ADGRL3: variants seen among roughly 807,000 people sequenced by gnomAD.
ADGRL3 encodes calcium-independent alpha-latrotoxin receptor 3.
A neutral mutation model predicts 153.5 loss-of-function variants in ADGRL3; 62 were observed. That is an observed-to-expected ratio of 0.40 (90% CI 0.33 to 0.50). The LOEUF (loss-of-function observed/expected upper bound fraction) is 0.50. ADGRL3 is among the 20% of genes least tolerant of loss of function. The probability of loss-of-function intolerance (pLI) is 0.47; values close to 1 mark genes in which losing one functional copy is unlikely to be tolerated. For synonymous variants in ADGRL3, 710 were observed against 672.5 expected (o/e 1.06, Z -0.86); for missense variants, 1,641 against 1,859.4 (o/e 0.88, Z 2.16).
chr4:61,707,549 A>T (rs745651893), intron 6 of ADGRL3, among the ~76,000 whole-genome samples: 14 of 152,054 alleles, frequency 9.2e-5, no homozygotes, highest in Non-Finnish European at 4.4e-5. Flanking sequence ...TTTTCAATTG[A>T]TTTTAAAGGT....
chr4:61,867,540 A>ATATATATATATATATATATATATG (rs201200813), intron 9 of ADGRL3, among the ~76,000 whole-genome samples: 33 of 132,104 alleles, frequency 2.5e-4, no homozygotes, highest in African/African-American at 8.4e-4. Context: ...ATATATATAT[A>ATATATATATATATATATATATATG]ATTGTAGGAG....
intron 4 of ADGRL3, among the ~76,000 whole-genome samples, chr4:61,530,397 A>G (rs909885868): frequency 1.3e-5 from 2 of 152,072 alleles, no homozygotes; most frequent in Non-Finnish European, 2.9e-5. Flanking sequence ...CCTAAAAAAA[A>G]AAAAAATCTT....
intron 5 of ADGRL3, 128 bp downstream of exon 5, chr4:61,587,568 A>G (rs2098951403): frequency 1.5e-6 from 1 of 667,102 alleles, no homozygotes; most frequent in Non-Finnish European, 2.5e-6. Context: ...TAGTTTTTCC[A>G]TATCTGACTA....
chr4:61,296,259 A>G (rs2150254439), intron 1 of ADGRL3, among the ~76,000 whole-genome samples: 1 of 152,280 alleles, frequency 6.6e-6, no homozygotes, highest in Non-Finnish European at 1.5e-5. Flanking sequence ...GCAGCGATGA[A>G]AAATCAGAAT....
At chr4:61,381,442 C>G (rs1291977340) in intron 1 of ADGRL3, among the ~76,000 whole-genome samples, 1 of 151,648 alleles carries the variant, frequency 6.6e-6, no homozygotes, top group Non-Finnish European at 1.5e-5. Context: ...GCCACAGTCT[C>G]TGTTCTCTAG....
chr4:61,410,501 C>T lies in ADGRL3; in HGVS notation c.-174+27312C>T, dbSNP rs189360269. ...ACAACAGTGATCAAAATTAAGAAATCAACAATATTACAATACTATTGTGTA... is the reference window on the plus strand; with the variant it reads ...ACAACAGTGATCAAAATTAAGAAATTAACAATATTACAATACTATTGTGTA... On this transcript the variant is annotated intron_variant, in intron 2 of 26. Transcript: ENST00000683033. Among the ~76,000 whole-genome samples the T allele has an allele frequency of 2.1e-3, 312 of 152,146 alleles. 3 individuals carry two copies. Among genetic ancestry groups the T allele is most frequent in the Non-Finnish European group, 2.8e-3 (187 of 67,962 alleles).
At chr4:61,248,090 C>G (rs552476550) in intron 1 of ADGRL3, among the ~76,000 whole-genome samples, 6 of 152,198 alleles carry the variant, frequency 3.9e-5, no homozygotes, top group African/African-American at 1.4e-4. Context: ...GAGGGGCGAA[C>G]TGCTCTATGT....
intron 8 of ADGRL3, among the ~76,000 whole-genome samples, chr4:61,800,239 A>G (rs1235612938): frequency 6.6e-6 from 1 of 152,230 alleles, no homozygotes; most frequent in African/African-American, 2.4e-5. Flanking sequence ...TATTGTATAT[A>G]TGGGATATAT....
chr4:61,203,854 T>C (rs1437049641), intron 1 of ADGRL3, among the ~76,000 whole-genome samples: 1 of 152,134 alleles, frequency 6.6e-6, no homozygotes, highest in Non-Finnish European at 1.5e-5. Flanking sequence ...CCAGATAATT[T>C]GTATAGGAGT....
intron 8 of ADGRL3, among the ~76,000 whole-genome samples, chr4:61,776,391 C>T (rs1423364884): frequency 1.3e-5 from 2 of 151,912 alleles, no homozygotes; most frequent in East Asian, 3.9e-4. Flanking sequence ...ACAAGATAAC[C>T]AGAAAAGATT....
chr4:61,876,896 T>C (rs1276030819), intron 9 of ADGRL3, among the ~76,000 whole-genome samples: 33 of 127,800 alleles, frequency 2.6e-4, no homozygotes, highest in Non-Finnish European at 5.3e-4. Flanking sequence ...CTCAATAAAC[T>C]TGCTTTCACT....
intron 8 of ADGRL3, among the ~76,000 whole-genome samples, chr4:61,747,304 T>G (rs2096678446): frequency 6.6e-6 from 1 of 150,982 alleles, no homozygotes; most frequent in South Asian, 2.1e-4. Flanking sequence ...TACCATTCCT[T>G]CTGAAACTAT....
At chr4:61,283,490 T>A (rs1213063446) in intron 1 of ADGRL3, among the ~76,000 whole-genome samples, 1 of 151,972 alleles carries the variant, frequency 6.6e-6, no homozygotes, top group African/African-American at 2.4e-5. Context: ...GCTGATGACA[T>A]TAGTGAGATT....
At chr4:62,053,477 G>A (rs545842089) in intron 25 of ADGRL3, among the ~76,000 whole-genome samples, 7 of 151,440 alleles carry the variant, frequency 4.6e-5, no homozygotes, top group South Asian at 4.2e-4. Flanking sequence ...GAATGTGGCC[G>A]CTTCAGAATG....
chr4:61,203,112 C>T lies in ADGRL3; in HGVS notation c.-240+1347C>T, dbSNP rs146769371. On this transcript the variant is annotated intron_variant, in intron 1 of 26. Transcript: ENST00000683033. ...CACCCCAGAATGGCCCTGATGAGAA[C>T]CTCATAGGGTAGTCATCTCTCCAGC... is the stretch of plus-strand genomic sequence containing the variant. Among the ~76,000 whole-genome samples, 424 of 152,294 alleles carry T rather than the reference C, an allele frequency of 2.8e-3. 6 individuals are homozygous for T. Among genetic ancestry groups the T allele is most frequent in the African/African-American group, 9.6e-3 (398 of 41,570 alleles).
intron 21 of ADGRL3, among the ~76,000 whole-genome samples, chr4:62,013,628 G>T (rs2099197507): frequency 6.6e-6 from 1 of 152,006 alleles, no homozygotes; most frequent in African/African-American, 2.4e-5. Flanking sequence ...GGTGACTTAT[G>T]CCTGTAATCC....
At chr4:61,834,531 A>C (rs1012511354) in intron 9 of ADGRL3, among the ~76,000 whole-genome samples, 1 of 152,152 alleles carries the variant, frequency 6.6e-6, no homozygotes, top group African/African-American at 2.4e-5. Flanking sequence ...TGAGGAATCG[A>C]AAGGCAGTTT....
At chr4:61,663,658 G>A (rs2094686504) in intron 5 of ADGRL3, among the ~76,000 whole-genome samples, 3 of 152,194 alleles carry the variant, frequency 2.0e-5, no homozygotes, top group Admixed American at 2.0e-4. Context: ...CATGCCACCA[G>A]CTACAGAGGT....
intron 4 of ADGRL3, among the ~76,000 whole-genome samples, chr4:61,583,917 C>A (rs1197648334): frequency 1.3e-5 from 2 of 151,910 alleles, no homozygotes; most frequent in Non-Finnish European, 2.9e-5. Flanking sequence ...CTCCACAATG[C>A]CCAATGCAAT....
Sources: gnomAD v4.1 joint callset for allele counts (sites outside exome capture counted in the v4.1 genomes callset) on GRCh38, gnomAD v4.1.1 for gene constraint, MANE v1.5 for transcripts, NCBI Gene and HGNC (gene_info 2026-07-23, HGNC 2026-07-21) for gene names.